The following SYNPR variants were observed in gnomAD, a reference collection of about 807,000 sequenced individuals.
SYNPR encodes synaptoporin.
A neutral mutation model predicts 32.9 loss-of-function variants in SYNPR; 23 were observed. The observed-to-expected ratio is 0.70, with a 90% CI of 0.50 to 0.99. SYNPR has a LOEUF of 0.99. SYNPR is among the 50% of genes least tolerant of loss of function. SYNPR has a pLI of 0.00. For missense variants in SYNPR, 318 were observed against 349.3 expected, an observed-to-expected ratio of 0.91 and a Z score of 0.71; for synonymous variants, 146 against 135.9, an observed-to-expected ratio of 1.07 and a Z score of -0.52.
intron 2 of SYNPR, among the ~76,000 whole-genome samples, chr3:63,323,112 A>T (rs903879477): frequency 2.0e-5 from 3 of 152,064 alleles, no homozygotes; most frequent in African/African-American, 7.2e-5. Flanking sequence ...AAAATTGAAA[A>T]TAGCAGGGCT....
chr3:63,448,816 G>A (rs1258342177), intron 2 of SYNPR, among the ~76,000 whole-genome samples: 1 of 152,124 alleles, frequency 6.6e-6, no homozygotes, highest in Non-Finnish European at 1.5e-5. Context: ...CCTAAACTGA[G>A]TTTCTATTTC....
At position 63,332,825 on chromosome 3, in the gene SYNPR, C is replaced by G. The variant is rs545219514; in HGVS notation, c.84+54083C>G. ...CAAGGTTCTTTTTAGTCTATATTATCCAAGAGCATGGTTAATCAATGTTGG... is the reference window on the plus strand; with the variant it reads ...CAAGGTTCTTTTTAGTCTATATTATGCAAGAGCATGGTTAATCAATGTTGG... On this transcript the variant is annotated intron_variant, in intron 2 of 5. Transcript: ENST00000478300. 2.2e-3 allele frequency among the ~76,000 whole-genome samples: 333 copies of G among 152,180 alleles called. 3 individuals carry two copies. Among genetic ancestry groups the G allele is most frequent in the African/African-American group, 7.4e-3 (308 of 41,520 alleles).
intron 3 of SYNPR, among the ~76,000 whole-genome samples, chr3:63,516,215 T>C (rs1171789858): frequency 6.6e-6 from 1 of 152,108 alleles, no homozygotes; most frequent in Non-Finnish European, 1.5e-5. Context: ...CATCATGGTT[T>C]TGGTTAGAAA....
intron 1 of SYNPR, among the ~76,000 whole-genome samples, chr3:63,239,781 G>A (rs1025987415): frequency 1.5e-4 from 23 of 150,302 alleles, no homozygotes; most frequent in Middle Eastern, 3.2e-3. Context: ...CCATTGTCAA[G>A]TATGTCACAC....
intron 1 of SYNPR, among the ~76,000 whole-genome samples, chr3:63,252,058 A>T (rs2106890190): frequency 6.6e-6 from 1 of 152,190 alleles, no homozygotes; most frequent in East Asian, 1.9e-4. Context: ...TTATGTATCT[A>T]TTAAAAATAA....
chr3:63,570,442 G>A (rs1457513803), intron 4 of SYNPR, among the ~76,000 whole-genome samples: 12 of 152,130 alleles, frequency 7.9e-5, no homozygotes, highest in Non-Finnish European at 8.8e-5. Context: ...GCTATCTCCC[G>A]TCATCCCCGG....
At chr3:63,466,975 T>G (rs1700694526) in intron 2 of SYNPR, among the ~76,000 whole-genome samples, 1 of 152,166 alleles carries the variant, frequency 6.6e-6, no homozygotes, top group Non-Finnish European at 1.5e-5. Context: ...TTCTTCTTCA[T>G]TATTAGCTGA....
At chr3:63,476,865 T>C (rs1700938029) in intron 2 of SYNPR, among the ~76,000 whole-genome samples, 1 of 152,182 alleles carries the variant, frequency 6.6e-6, no homozygotes, top group Non-Finnish European at 1.5e-5. Context: ...TTAAGCCCCA[T>C]GGTGGGTGGG....
the SYNPR span, chr3:63,203,068 G>GTATGTATATATATATATA: frequency 1.8e-5 from 2 of 108,592 alleles, no homozygotes; most frequent in African/African-American, 9.2e-5. Flanking sequence ...ATATGTATGT[G>GTATGTATATATATATATA]TATATATATA....
At chr3:63,518,999 T>C (rs1701854012) in intron 3 of SYNPR, among the ~76,000 whole-genome samples, 1 of 152,218 alleles carries the variant, frequency 6.6e-6, no homozygotes, top group South Asian at 2.1e-4. Flanking sequence ...AAAAGCCTTT[T>C]CTGCATCTAT....
intron 2 of SYNPR, among the ~76,000 whole-genome samples, chr3:63,302,868 A>C (rs1307993090): frequency 1.3e-5 from 2 of 152,018 alleles, no homozygotes; most frequent in African/African-American, 4.8e-5. Context: ...AGTTTACATT[A>C]ATCTATTGTA....
rs559721007 is a variant in SYNPR at position 63,421,459 on chromosome 3, T to A, written c.85-59373T>A. Among the ~76,000 whole-genome samples, 4 of 150,632 alleles carry A rather than the reference T, an allele frequency of 2.7e-5. No homozygotes were observed. The South Asian group carries it at 8.4e-4, about 32-fold the overall frequency. ...CAAAAAGATGGATGAATCTCAAAAA[T>A]CATTATGCTGAGTGAGAAAATTCAG... On this transcript the variant is annotated intron_variant, in intron 2 of 5. Transcript: ENST00000478300.
chr3:63,264,818 G>C (rs945642052), intron 2 of SYNPR, among the ~76,000 whole-genome samples: 3 of 152,110 alleles, frequency 2.0e-5, no homozygotes, highest in Admixed American at 6.6e-5. Flanking sequence ...GTGGAAGGAC[G>C]GAGTGAGGGC....
At chr3:63,351,214 A>T (rs1158625101) in intron 2 of SYNPR, among the ~76,000 whole-genome samples, 1 of 152,234 alleles carries the variant, frequency 6.6e-6, no homozygotes, top group Admixed American at 6.5e-5. Context: ...GATAAGCACC[A>T]TAAGTACTGC....
intron 3 of SYNPR, 110 bp downstream of exon 3, chr3:63,481,066 G>A: frequency 1.4e-6 from 2 of 1,431,872 alleles, no homozygotes; most frequent in Non-Finnish European, 1.9e-6. Context: ...TAAACAGAAA[G>A]TATTCTGCCT....
At chr3:63,598,055 AG>A (rs1699987102) in intron 4 of SYNPR, among the ~76,000 whole-genome samples, 1 of 152,226 alleles carries the variant, frequency 6.6e-6, no homozygotes, top group Non-Finnish European at 1.5e-5. Flanking sequence ...TCCAATTTCT[AG>A]TGTAGTCTCT....
intron 2 of SYNPR, among the ~76,000 whole-genome samples, chr3:63,303,546 A>G (rs1167358247): frequency 2.0e-4 from 30 of 152,040 alleles, no homozygotes; most frequent in Non-Finnish European, 1.5e-5. Flanking sequence ...ACTTTATCCT[A>G]TGGGGTCAGA....
chr3:63,278,856 C>T lies in SYNPR; in HGVS notation c.84+114C>T, dbSNP rs2106915774. 6 of 1,203,756 alleles carry T rather than the reference C, an allele frequency of 5.0e-6. No individual in the cohort carries two copies. The Middle Eastern group carries it at 8.1e-4, about 163-fold the overall frequency. 74.6% of individuals were successfully genotyped at this position (1,203,756 alleles called of 1,614,324 possible). On this transcript the variant is annotated intron_variant, in intron 2 of 5. Coordinates refer to ENST00000478300, the MANE Select transcript of SYNPR (RefSeq NM_001130003.2). ...TGCTCCAAGCCGGAGATTCAACCCT[C>T]AAGCCGGGGATTTCAATCCTGCCCC...
At chr3:63,527,908 T>A (rs1344619633) in intron 3 of SYNPR, among the ~76,000 whole-genome samples, 1 of 152,180 alleles carries the variant, frequency 6.6e-6, no homozygotes, top group Non-Finnish European at 1.5e-5. Flanking sequence ...TACTTAATTT[T>A]GTCAAAGATC....
Sources: gnomAD v4.1 joint callset for allele counts (sites outside exome capture counted in the v4.1 genomes callset) on GRCh38, gnomAD v4.1.1 for gene constraint, MANE v1.5 for transcripts, NCBI Gene and HGNC (gene_info 2026-07-23, HGNC 2026-07-21) for gene names.